Variants in PATJ observed in about 807,000 individuals in gnomAD.
PATJ encodes inaD-like protein.
In PATJ, 190 loss-of-function variants were observed where a neutral mutation model predicts 224.9. The observed-to-expected ratio is 0.84, with a 90% CI of 0.75 to 0.95. PATJ has a LOEUF of 0.95. PATJ is among the 40% of genes least tolerant of loss of function. PATJ has a pLI of 0.00. For synonymous variants in PATJ, 769 were observed against 820.3 expected (o/e 0.94, Z 1.07); for missense variants, 2,121 against 2,270.3 (o/e 0.93, Z 1.34).
At chr1:62,127,177 T>G (rs1665798891) in intron 39 of PATJ, among the ~76,000 whole-genome samples, 1 of 152,190 alleles carries the variant, frequency 6.6e-6, no homozygotes, top group South Asian at 2.1e-4. Flanking sequence ...GAGAAATATA[T>G]AATTATTTTG....
chr1:62,088,850 A>G (rs1181389704), intron 33 of PATJ, among the ~76,000 whole-genome samples: 2 of 146,860 alleles, frequency 1.4e-5, no homozygotes, highest in Non-Finnish European at 3.0e-5. Context: ...TAGAACATAT[A>G]TATATAGAAT....
At chr1:61,749,173 C>T (rs1246464880) in intron 1 of PATJ, among the ~76,000 whole-genome samples, 2 of 149,758 alleles carry the variant, frequency 1.3e-5, no homozygotes, top group East Asian at 2.0e-4. Context: ...GAGTTTTGCT[C>T]TTGTTGCATT....
In PATJ at chr1:62,116,446, T is replaced by TA. The variant is rs1398138581; in HGVS notation, c.4656-86_4656-85insA. ...AACTGGAAGAAGAAAGGAGCATATA[T>TA]GTGTGTGCATCCTGTCACACACACA... On this transcript the variant is annotated intron_variant, in intron 35 of 43. Transcript: ENST00000642238. 3 of 1,446,580 alleles carry TA rather than the reference T, an allele frequency of 2.1e-6. No homozygotes were observed. The African/African-American group carries it at 4.3e-5, about 21-fold the overall frequency. The allele number at this position is 1,446,580 out of a possible 1,614,324, so 89.6% of individuals were successfully genotyped here. A position where few individuals can be genotyped will look rare whatever the true frequency, so the allele number is the denominator to read the frequency against.
At chr1:62,136,980 C>T (rs1449641502) in intron 41 of PATJ, among the ~76,000 whole-genome samples, 2 of 152,142 alleles carry the variant, frequency 1.3e-5, no homozygotes, top group Non-Finnish European at 2.9e-5. Context: ...GGAGCTCAAG[C>T]TTTTATGCAT....
intron 1 of PATJ, among the ~76,000 whole-genome samples, chr1:61,752,218 T>C (rs1172377209): frequency 1.3e-5 from 2 of 151,792 alleles, no homozygotes; most frequent in African/African-American, 4.8e-5. Flanking sequence ...AGGAAGAGTA[T>C]TGATATGCAT....
chr1:62,063,464 T>TC (rs1224466452), intron 31 of PATJ, among the ~76,000 whole-genome samples: 1 of 152,178 alleles, frequency 6.6e-6, no homozygotes, highest in Non-Finnish European at 1.5e-5. Flanking sequence ...ATTTTTTTTT[T>TC]CTTAAGATTG....
At chr1:62,127,617 C>G (rs1665858779) in intron 39 of PATJ, among the ~76,000 whole-genome samples, 1 of 152,008 alleles carries the variant, frequency 6.6e-6, no homozygotes, top group South Asian at 2.1e-4. Flanking sequence ...ACCTGCCTGG[C>G]CAACATGGTG....
intron 1 of PATJ, among the ~76,000 whole-genome samples, chr1:61,760,229 A>G (rs1264503316): frequency 6.6e-6 from 1 of 152,216 alleles, no homozygotes; most frequent in Non-Finnish European, 1.5e-5. Context: ...TGGTATTCCC[A>G]TTGAATCCAG....
At chr1:62,146,698 A>G (rs1433203118) in intron 41 of PATJ, among the ~76,000 whole-genome samples, 1 of 151,846 alleles carries the variant, frequency 6.6e-6, no homozygotes, top group East Asian at 1.9e-4. Context: ...ACTCGCTTGA[A>G]CCCGGGAGGC....
At chr1:62,004,100 C>G (rs1435406614) in intron 28 of PATJ, among the ~76,000 whole-genome samples, 1 of 152,192 alleles carries the variant, frequency 6.6e-6, no homozygotes, top group Non-Finnish European at 1.5e-5. Context: ...CAAGATGAGA[C>G]AATTGCTTCT....
At chr1:62,153,959 A>G (rs1006123190) in intron 43 of PATJ, among the ~76,000 whole-genome samples, 3 of 152,142 alleles carry the variant, frequency 2.0e-5, no homozygotes, top group African/African-American at 7.2e-5. Flanking sequence ...GCTGGAGTGC[A>G]ATGGCTTGAT....
At chr1:61,973,876 T>TC (rs1410661321) in intron 27 of PATJ, among the ~76,000 whole-genome samples, 1 of 152,048 alleles carries the variant, frequency 6.6e-6, no homozygotes, top group Non-Finnish European at 1.5e-5. Context: ...AATAATCAGA[T>TC]CGTTTTTTAT....
intron 27 of PATJ, among the ~76,000 whole-genome samples, chr1:61,989,281 A>G (rs1644933970): frequency 6.6e-6 from 1 of 152,184 alleles, no homozygotes. Context: ...ATGTTGTTTA[A>G]TTTTCTCAAC....
intron 14 of PATJ, among the ~76,000 whole-genome samples, chr1:61,811,777 C>A (rs1318379581): frequency 1.3e-5 from 2 of 150,016 alleles, no homozygotes; most frequent in African/African-American, 4.9e-5. Flanking sequence ...AAAAAAAAAT[C>A]TAGGCTGGAC....
At chr1:62,150,955 C>T (rs1025435802) in intron 42 of PATJ, among the ~76,000 whole-genome samples, 2 of 151,510 alleles carry the variant, frequency 1.3e-5, no homozygotes, top group Non-Finnish European at 2.9e-5. Flanking sequence ...CCAGCCTGAC[C>T]ATGGAGAAAC....
intron 31 of PATJ, among the ~76,000 whole-genome samples, chr1:62,075,347 T>C (rs899316606): frequency 1.3e-5 from 2 of 152,242 alleles, no homozygotes; most frequent in African/African-American, 4.8e-5. Context: ...TTTATTGATA[T>C]GTTCTAAAAG....
intron 25 of PATJ, among the ~76,000 whole-genome samples, chr1:61,910,682 G>A (rs1462050291): frequency 1.3e-5 from 2 of 151,452 alleles, no homozygotes; most frequent in East Asian, 3.9e-4. Context: ...AAGTGGCTGG[G>A]ACCACAGGCA....
intron 14 of PATJ, among the ~76,000 whole-genome samples, chr1:61,813,623 C>A (rs1279657683): frequency 6.6e-6 from 1 of 151,766 alleles, no homozygotes; most frequent in Non-Finnish European, 1.5e-5. Context: ...TCCTATAGAA[C>A]TTATATTTTA....
chr1:61,775,436 T>C, intron 7 of PATJ, 102 bp downstream of exon 7: 6 of 979,496 alleles, frequency 6.1e-6, no homozygotes, highest in Non-Finnish European at 9.1e-6. Context: ...TATGACTTAA[T>C]AACAAGAATT....
Sources: allele counts gnomAD v4.1 joint callset (sites outside exome capture counted in the v4.1 genomes callset), GRCh38; gene constraint gnomAD v4.1.1; transcripts MANE v1.5; gene names NCBI Gene and HGNC (gene_info 2026-07-23, HGNC 2026-07-21).